Variants in PRKG1 observed in about 807,000 individuals in gnomAD.
PRKG1 encodes the protein cGMP-dependent protein kinase 1.
Under a neutral mutation model 88.1 loss-of-function variants are expected in PRKG1, and 35 were observed. That is an observed-to-expected ratio of 0.40 (90% CI 0.30 to 0.53). PRKG1 has a LOEUF of 0.53. Ranked by LOEUF, PRKG1 falls within the 20% of genes least tolerant of loss-of-function variation. PRKG1 has a pLI of 0.59. For missense variants in PRKG1, 540 were observed against 839.8 expected, an observed-to-expected ratio of 0.64 and a Z score of 4.41; for synonymous variants, 303 against 292.5, an observed-to-expected ratio of 1.04 and a Z score of -0.37.
intron 2 of PRKG1, among the ~76,000 whole-genome samples, chr10:51,216,914 C>T (rs1838386541): frequency 6.6e-6 from 1 of 152,124 alleles, no homozygotes; most frequent in African/African-American, 2.4e-5. Flanking sequence ...TGCTTCTAGA[C>T]TTACAACTTG....
chr10:52,197,203 A>G (rs1839528353), intron 9 of PRKG1, among the ~76,000 whole-genome samples: 1 of 151,930 alleles, frequency 6.6e-6, no homozygotes, highest in African/African-American at 2.4e-5. Flanking sequence ...AGAGTTCTAA[A>G]TTGAACCTTG....
intron 1 of PRKG1, among the ~76,000 whole-genome samples, chr10:51,036,161 G>A (rs1202231702): frequency 2.6e-5 from 4 of 152,082 alleles, no homozygotes; most frequent in Non-Finnish European, 5.9e-5. Context: ...ACTTACTACA[G>A]AGCCTACCTA....
chr10:51,673,614 A>C (rs1840637426), intron 3 of PRKG1, among the ~76,000 whole-genome samples: 1 of 152,114 alleles, frequency 6.6e-6, no homozygotes, highest in Non-Finnish European at 1.5e-5. Flanking sequence ...GACCACTGTA[A>C]TTTTCATTTC....
intron 1 of PRKG1, among the ~76,000 whole-genome samples, chr10:51,038,723 A>G (rs1843383654): frequency 6.6e-6 from 1 of 151,998 alleles, no homozygotes; most frequent in African/African-American, 2.4e-5. Context: ...TTCTTTATTC[A>G]TTTATCGTTT....
At chr10:51,953,673 GT>G (rs147149291) in intron 5 of PRKG1, among the ~76,000 whole-genome samples, 336 of 152,064 alleles carry the variant, frequency 2.2e-3, no homozygotes, top group African/African-American at 7.4e-3. Context: ...ATGAATGAAT[GT>G]TAAATGAACA....
intron 14 of PRKG1, among the ~76,000 whole-genome samples, chr10:52,288,328 T>C (rs1362197448): frequency 6.6e-6 from 1 of 151,986 alleles, no homozygotes; most frequent in Non-Finnish European, 1.5e-5. Context: ...AGGGTGGTAA[T>C]GGCATGAGGT....
intron 2 of PRKG1, among the ~76,000 whole-genome samples, chr10:51,352,477 A>G (rs1268740096): frequency 4.6e-5 from 7 of 152,158 alleles, no homozygotes; most frequent in Non-Finnish European, 1.0e-4. Flanking sequence ...AAATTTTAAA[A>G]GTATTCTCAG....
At chr10:52,193,271 G>A (rs889889002) in intron 9 of PRKG1, among the ~76,000 whole-genome samples, 7 of 151,934 alleles carry the variant, frequency 4.6e-5, no homozygotes, top group South Asian at 2.1e-4. Context: ...CGGGCCGGGC[G>A]CAGTGGTTCA....
intron 3 of PRKG1, among the ~76,000 whole-genome samples, chr10:51,535,374 G>T (rs1404369110): frequency 6.6e-6 from 1 of 152,122 alleles, no homozygotes; most frequent in Non-Finnish European, 1.5e-5. Flanking sequence ...GATCAAATGT[G>T]TCAGGATCTT....
At chr10:52,274,521 A>ATG (rs1393089175) in intron 12 of PRKG1, among the ~76,000 whole-genome samples, 1 of 143,952 alleles carries the variant, frequency 6.9e-6, no homozygotes, top group Non-Finnish European at 1.5e-5. Flanking sequence ...ATGCCATCAT[A>ATG]TATATATATA....
intron 10 of PRKG1, among the ~76,000 whole-genome samples, chr10:52,254,400 A>G (rs1381498237): frequency 6.6e-6 from 1 of 152,064 alleles, no homozygotes; most frequent in African/African-American, 2.4e-5. Flanking sequence ...AAAGTATATA[A>G]TACTTAGTGT....
chr10:51,899,252 TG>T (rs1310275018), intron 4 of PRKG1, among the ~76,000 whole-genome samples: 1 of 152,078 alleles, frequency 6.6e-6, no homozygotes, highest in Non-Finnish European at 1.5e-5. Flanking sequence ...GAATTAAAAA[TG>T]AAAATATTTG....
chr10:51,423,866 T>C (rs1334846773), intron 2 of PRKG1, among the ~76,000 whole-genome samples: 1 of 152,098 alleles, frequency 6.6e-6, no homozygotes, highest in Non-Finnish European at 1.5e-5. Flanking sequence ...GAATAGTAGT[T>C]TTACTTAGGG....
intron 2 of PRKG1, among the ~76,000 whole-genome samples, chr10:51,220,454 A>G (rs1336925889): frequency 6.6e-6 from 1 of 152,230 alleles, no homozygotes; most frequent in African/African-American, 2.4e-5. Flanking sequence ...GAAAAGAAAC[A>G]AAGACCAAAA....
intron 2 of PRKG1, among the ~76,000 whole-genome samples, chr10:51,303,391 C>A (rs969700946): frequency 2.7e-5 from 4 of 150,176 alleles, no homozygotes; most frequent in African/African-American, 1.0e-4. Flanking sequence ...ATCAAACAGG[C>A]CTATTCAGTT....
chr10:51,667,664 C>T (rs570694758), intron 3 of PRKG1, among the ~76,000 whole-genome samples: 1 of 152,224 alleles, frequency 6.6e-6, no homozygotes, highest in Admixed American at 6.5e-5. Context: ...TCTTATTCAT[C>T]TAGTCTTGTC....
chr10:51,039,837 A>G (rs1336578833), intron 1 of PRKG1, among the ~76,000 whole-genome samples: 1 of 152,166 alleles, frequency 6.6e-6, no homozygotes, highest in East Asian at 1.9e-4. Flanking sequence ...ACCATTTATT[A>G]AAGAGATTGT....
chr10:51,447,739 T>C (rs1312807512), intron 2 of PRKG1, among the ~76,000 whole-genome samples: 1 of 152,018 alleles, frequency 6.6e-6, no homozygotes, highest in Non-Finnish European at 1.5e-5. Flanking sequence ...TTTTGCCTAA[T>C]TCTCTTCTGC....
chr10:52,282,087 A>T (rs1842014160), intron 13 of PRKG1, 66 bp from the exon 14 acceptor site: 2 of 1,400,092 alleles, frequency 1.4e-6, no homozygotes, highest in Admixed American at 2.4e-5. Context: ...TGTGCTTCAA[A>T]ATAACTTATT....
Sources: gnomAD v4.1 joint callset for allele counts (sites outside exome capture counted in the v4.1 genomes callset) on GRCh38, gnomAD v4.1.1 for gene constraint, MANE v1.5 for transcripts, NCBI Gene and HGNC (gene_info 2026-07-23, HGNC 2026-07-21) for gene names.